Variants in PRMT2 observed in about 807,000 individuals in gnomAD.
PRMT2 encodes the protein protein arginine N-methyltransferase 2.
Under a neutral mutation model 57.6 loss-of-function variants are expected in PRMT2, and 26 were observed. The ratio of observed to expected loss-of-function variants is 0.45; its 90% CI spans 0.33 to 0.63. The LOEUF is 0.63. PRMT2 is among the 20% of genes least tolerant of loss of function. The pLI is 0.02. For missense variants in PRMT2, 472 were observed against 564.4 expected (o/e 0.84, Z 1.66); for synonymous variants, 219 against 220.0 (o/e 1.00, Z 0.04).
In PRMT2 at chr21:46,663,372, C is replaced by G; in HGVS notation, c.1098-11C>G. 6.2e-7 allele frequency: 1 copy of G among 1,606,002 alleles called. No homozygotes were observed. On this transcript the variant is annotated splice_polypyrimidine_tract_variant and intron_variant, in intron 10 of 11. Transcript: ENST00000355680. ...CTCAGCCTCCAGGTCACACGCACCCCTGTCTTGCAGCACCACACACTGGAA... is the reference window on the plus strand; with the variant it reads ...CTCAGCCTCCAGGTCACACGCACCCGTGTCTTGCAGCACCACACACTGGAA...
chr21:46,645,675 T>C (rs1412905714), intron 5 of PRMT2, among the ~76,000 whole-genome samples: 1 of 151,996 alleles, frequency 6.6e-6, no homozygotes, highest in Non-Finnish European at 1.5e-5. Flanking sequence ...TTGACTCAAT[T>C]ATATAAAGTT....
chr21:46,659,680 C>A (rs1162250827), intron 8 of PRMT2: 2 of 985,290 alleles, frequency 2.0e-6, no homozygotes, highest in East Asian at 2.3e-4. Context: ...GGAGGTGTGG[C>A]TGCCAGGGCC....
intron 7 of PRMT2, chr21:46,652,283 A>G (rs944452316): frequency 5.4e-6 from 7 of 1,305,780 alleles, no homozygotes; most frequent in Non-Finnish European, 6.8e-6. Context: ...AACCAAGTTC[A>G]TAATGAAGCT....
rs1350369669 is a variant in PRMT2 at position 46,652,300 on chromosome 21, T to TA, written c.654+2565dup. 3.1e-6 allele frequency: 4 copies of TA among 1,270,188 alleles called. No individual in the cohort carries two copies. The African/African-American group carries it at 6.0e-5, about 19-fold the overall frequency. The allele number at this position is 1,270,188 out of a possible 1,614,324, so 78.7% of individuals were successfully genotyped here. A position where few individuals can be genotyped will look rare whatever the true frequency, so the allele number is the denominator to read the frequency against. ...CCAAGTTCATAATGAAGCTGTCAAATAAAATACTTGACAAAAAATTCCCCT... is the reference window on the plus strand; with the variant it reads ...CCAAGTTCATAATGAAGCTGTCAAATAAAAATACTTGACAAAAAATTCCCCT... On this transcript the variant is annotated intron_variant, in intron 7 of 11. Coordinates refer to ENST00000355680, the MANE Select transcript of PRMT2 (RefSeq NM_206962.4).
chr21:46,638,203 C>T lies in PRMT2; in HGVS notation c.39+1213C>T, dbSNP rs565711922. Among the ~76,000 whole-genome samples the T allele has an allele frequency of 3.2e-4, 48 of 152,244 alleles. No individual in the cohort carries two copies. In the South Asian group the frequency reaches 1.0e-2, roughly 32 times the overall value. ...TACTGTCAGTGTCACCTGTAGCTTG[C>T]CTCTTCATATAACTTTACCTTTGGG... On this transcript the variant is annotated intron_variant, in intron 3 of 11. Coordinates refer to ENST00000355680, the MANE Select transcript of PRMT2 (RefSeq NM_206962.4).
intron 7 of PRMT2, among the ~76,000 whole-genome samples, chr21:46,651,039 G>C (rs2061441699): frequency 6.6e-6 from 1 of 152,216 alleles, no homozygotes; most frequent in Non-Finnish European, 1.5e-5. Flanking sequence ...GGAGGCCCCT[G>C]GGTATGTGTG....
At chr21:46,661,254 A>G in intron 9 of PRMT2, 1 of 246,102 alleles carries the variant, frequency 4.1e-6, no homozygotes, top group Non-Finnish European at 7.6e-6. Context: ...AAATCAAATA[A>G]ATTATATTTC....
chr21:46,662,724 G>A (rs1462309120), intron 10 of PRMT2, among the ~76,000 whole-genome samples: 1 of 152,190 alleles, frequency 6.6e-6, no homozygotes, highest in African/African-American at 2.4e-5. Context: ...TGGCCCCACC[G>A]TGGACAGTGG....
chr21:46,649,052 T>C lies in PRMT2; in HGVS notation c.489+433T>C, dbSNP rs993809754. Among the ~76,000 whole-genome samples the C allele has an allele frequency of 6.6e-6, 1 of 152,244 alleles. No homozygotes were observed. The highest frequency in any genetic ancestry group is 1.9e-4 in the East Asian group (1 of 5,170). ...CCCTCTTAGGCCGTCTATACTGTGC[T>C]GAGCTGAGCCGAGCTGCAGCCTTGG... On this transcript the variant is annotated intron_variant, in intron 6 of 11. Transcript: ENST00000355680. This position sits in a 1 kb window ranked among gnomAD's most constrained non-coding sequence, Gnocchi z 4.8.
At chr21:46,654,768 TA>T in intron 7 of PRMT2, 3 of 356,114 alleles carry the variant, frequency 8.4e-6, no homozygotes, top group African/African-American at 2.2e-5. Flanking sequence ...AGCCTGTATG[TA>T]AAAACCACGT....
At chr21:46,657,428 T>G (rs966915774) in intron 7 of PRMT2, 2 of 150,284 alleles carry the variant, frequency 1.3e-5, no homozygotes, top group Non-Finnish European at 2.9e-5. Flanking sequence ...TTCATCTGGA[T>G]AATCCTTAAG....
intron 3 of PRMT2, among the ~76,000 whole-genome samples, chr21:46,642,723 T>G (rs1458149693): frequency 1.3e-5 from 2 of 152,196 alleles, no homozygotes; most frequent in Admixed American, 6.5e-5. Context: ...GGCAAGCTTA[T>G]TCTTATATAA....
chr21:46,663,020 C>T (rs2061654275), intron 10 of PRMT2, among the ~76,000 whole-genome samples: 2 of 152,154 alleles, frequency 1.3e-5, no homozygotes, highest in African/African-American at 2.4e-5. Flanking sequence ...TTTAGTGCAG[C>T]TGTGTGTCCC....
chr21:46,635,970 G>T (rs2061161629), intron 1 of PRMT2: 1 of 134,826 alleles, frequency 7.4e-6, no homozygotes, highest in African/African-American at 3.0e-5. Flanking sequence ...CCTGCGTGCC[G>T]CACCCCTTCC....
chr21:46,643,256 G>A, intron 3 of PRMT2: 1 of 308,016 alleles, frequency 3.2e-6, no homozygotes, highest in Non-Finnish European at 5.2e-6. Flanking sequence ...TGAAGGACAA[G>A]GGCTCCTCAC....
In PRMT2 at chr21:46,656,640, C is replaced by A. The variant is rs544150199; in HGVS notation, c.655-2105C>A. Reference sequence around the variant, plus strand: ...ATAGTTGTCATCCATATCTAAAAAACAACACCTCAACCTCACATCTCATAC... The same window carrying A: ...ATAGTTGTCATCCATATCTAAAAAAAAACACCTCAACCTCACATCTCATAC... On this transcript the variant is annotated intron_variant, in intron 7 of 11. Transcript: ENST00000355680. 1.0e-3 allele frequency among the ~76,000 whole-genome samples: 153 copies of A among 152,126 alleles called. 1 individual carries two copies. The highest frequency in any genetic ancestry group is 2.0e-3 in the Non-Finnish European group (138 of 67,982).
Position 46,649,945 on chromosome 21 carries a change from T to A in PRMT2, c.654+206T>A, listed in dbSNP as rs888163115. On this transcript the variant is annotated intron_variant, in intron 7 of 11. Coordinates refer to ENST00000355680, the MANE Select transcript of PRMT2 (RefSeq NM_206962.4). This position sits in a 1 kb window ranked among gnomAD's most constrained non-coding sequence, Gnocchi z 4.8. ...TTTAAAAAATGCCTTTATGAGAAAT[T>A]TAAGTCAAAGTTCATGTAACATTTT... The A allele has an allele frequency of 6.2e-6, 9 of 1,448,454 alleles. No individual in the cohort carries two copies. In the African/African-American group the frequency reaches 1.3e-4, roughly 21 times the overall value. The allele number at this position is 1,448,454 out of a possible 1,614,324, so 89.7% of individuals were successfully genotyped here.
chr21:46,649,740 G>C lies in PRMT2; in HGVS notation c.654+1G>C, dbSNP rs1255306186. ...TGAGTGGATGGGGACCTGCCTGCTG[G>C]TGAGGGCGGGCGTGCGGGCAGCTGG... On this transcript the variant is annotated splice_donor_variant, in intron 7 of 11. Coordinates refer to ENST00000355680, the MANE Select transcript of PRMT2 (RefSeq NM_206962.4). LOFTEE classifies it high-confidence loss of function. The surrounding 1 kb of genome is among the most constrained non-coding windows in gnomAD (Gnocchi z 4.8). 6.2e-7 allele frequency: 1 copy of C among 1,612,862 alleles called. No homozygotes were observed. The highest frequency in any genetic ancestry group is 8.5e-7 in the Non-Finnish European group (1 of 1,179,534).
rs547423199 is a variant in PRMT2 at position 46,650,855 on chromosome 21, G to A, written c.654+1116G>A. Among the ~76,000 whole-genome samples the A allele has an allele frequency of 3.3e-5, 5 of 152,336 alleles. No homozygotes were observed. In the East Asian group the frequency reaches 7.7e-4, roughly 24 times the overall value. On this transcript the variant is annotated intron_variant, in intron 7 of 11. Transcript: ENST00000355680. The stretch of plus-strand genomic sequence containing the variant: ...GAGAGGAGTAGCCACTGTGTTCACC[G>A]TGTTGCCGTGTTCCAGGGCTGCCCA...
Sources: gnomAD v4.1 joint callset for allele counts (sites outside exome capture counted in the v4.1 genomes callset) on GRCh38, gnomAD v4.1.1 for gene constraint, Gnocchi (gnomAD v3.1) non-coding constraint, MANE v1.5 for transcripts, NCBI Gene and HGNC (gene_info 2026-07-23, HGNC 2026-07-21) for gene names.